Variants in NHSL1 observed in about 807,000 individuals in gnomAD.
The protein encoded by NHSL1 is NHS-like protein 1.
A neutral mutation model predicts 95.0 loss-of-function variants in NHSL1; 48 were observed. That is an observed-to-expected ratio of 0.51 (90% CI 0.40 to 0.64). The LOEUF (loss-of-function observed/expected upper bound fraction) is 0.64, where lower values mean the gene tolerates loss of function less well. Among genes scored for constraint, NHSL1 ranks in the 30% least tolerant of loss-of-function variants. The pLI is 0.00. For synonymous variants in NHSL1, 783 were observed against 833.9 expected, an observed-to-expected ratio of 0.94 and a Z score of 1.05; for missense variants, 1,971 against 2,077.7, an observed-to-expected ratio of 0.95 and a Z score of 1.00.
upstream of NHSL1, among the ~76,000 whole-genome samples, chr6:138,576,332 T>C (rs1405510664): frequency 6.6e-6 from 1 of 152,036 alleles, no homozygotes; most frequent in African/African-American, 2.4e-5. Context: ...TTAAAAAAAA[T>C]AACTTCAGCT....
intron 1 of NHSL1, among the ~76,000 whole-genome samples, chr6:138,682,190 T>C (rs1488549828): frequency 6.6e-6 from 1 of 152,278 alleles, no homozygotes; most frequent in East Asian, 1.9e-4. Flanking sequence ...GCCAGGCTGG[T>C]AACTGCTTTT....
chr6:138,595,765 T>C (rs552782401), intron 1 of NHSL1, among the ~76,000 whole-genome samples: 1 of 152,294 alleles, frequency 6.6e-6, no homozygotes, highest in East Asian at 1.9e-4. Context: ...ACAGGTGAAG[T>C]TGAAAGATTT....
rs574715008 is a variant in NHSL1, at chr6:138,428,819, G to A, written c.4085+892C>T. Among the ~76,000 whole-genome samples the A allele has an allele frequency of 7.2e-5, 11 of 152,226 alleles. No homozygotes were observed. The East Asian group carries it at 2.1e-3, about 29-fold the overall frequency. ...AAAAAAAGAAAGGATCTTCATTCAG[G>A]GCAAAATAAGGCCTTGGCAGCATAA... is the stretch of plus-strand genomic sequence containing the variant. On this transcript the variant is annotated intron_variant, in intron 7 of 7. Transcript: ENST00000343505.
At chr6:138,440,236 G>A (rs1314441427) in intron 5 of NHSL1, among the ~76,000 whole-genome samples, 4 of 152,134 alleles carry the variant, frequency 2.6e-5, no homozygotes, top group Non-Finnish European at 2.9e-5. Context: ...ACTATCTACT[G>A]AACATATGAG....
chr6:138,427,220 A>G (rs1420401481), intron 7 of NHSL1, among the ~76,000 whole-genome samples: 1 of 152,236 alleles, frequency 6.6e-6, no homozygotes, highest in Non-Finnish European at 1.5e-5. Flanking sequence ...TAGACATAGA[A>G]TTAAGAAAGA....
chr6:138,479,896 A>G (rs1303034872), intron 2 of NHSL1, among the ~76,000 whole-genome samples: 1 of 152,212 alleles, frequency 6.6e-6, no homozygotes, highest in African/African-American at 2.4e-5. Flanking sequence ...ATTCTGAAAT[A>G]TAATCTGAAG....
intron 1 of NHSL1, among the ~76,000 whole-genome samples, chr6:138,552,759 T>C (rs1167222325): frequency 6.6e-6 from 1 of 152,208 alleles, no homozygotes; most frequent in African/African-American, 2.4e-5. Flanking sequence ...TGTGGCAAGC[T>C]GCCTTGACTT....
chr6:138,596,996 C>CA (rs549954318), intron 1 of NHSL1, among the ~76,000 whole-genome samples: 27 of 151,948 alleles, frequency 1.8e-4, no homozygotes, highest in African/African-American at 3.6e-4. Context: ...CTGTCTCTAC[C>CA]AAAAAATATA....
At chr6:138,663,508 C>T (rs1018175844) in intron 1 of NHSL1, among the ~76,000 whole-genome samples, 1 of 149,890 alleles carries the variant, frequency 6.7e-6, no homozygotes, top group East Asian at 2.0e-4. Flanking sequence ...TGTGTTGAAC[C>T]GCAATCACGC....
chr6:138,513,319 C>CA (rs76252391), intron 1 of NHSL1, among the ~76,000 whole-genome samples: 7,396 of 152,108 alleles, frequency 0.049, 210 homozygotes, highest in South Asian at 0.094. Flanking sequence ...AAATACTAAA[C>CA]AAAAATGTCC....
chr6:138,443,052 TAC>T (rs145989578), intron 4 of NHSL1, among the ~76,000 whole-genome samples: 13,565 of 151,052 alleles, frequency 0.09, 1,116 homozygotes, highest in African/African-American at 0.23. Flanking sequence ...TATACATATA[TAC>T]ACACACACAT....
At chr6:138,531,750 G>A (rs1782144340) in intron 1 of NHSL1, among the ~76,000 whole-genome samples, 1 of 152,150 alleles carries the variant, frequency 6.6e-6, no homozygotes, top group South Asian at 2.1e-4. Context: ...CTGACCTCAA[G>A]TGATCTGCCT....
chr6:138,443,643 A>G (rs1776673171), intron 4 of NHSL1, among the ~76,000 whole-genome samples: 1 of 152,196 alleles, frequency 6.6e-6, no homozygotes, highest in African/African-American at 2.4e-5. Context: ...TCTAAGCAAC[A>G]TGGTGAAATC....
At chr6:138,534,850 C>T (rs4401686) in intron 1 of NHSL1, among the ~76,000 whole-genome samples, 4,193 of 152,270 alleles carry the variant, frequency 0.028, 80 homozygotes, top group Admixed American at 0.046. Flanking sequence ...GAGCATCAAA[C>T]AAGAACACGA....
chr6:138,643,384 C>A (rs1390530071), intron 1 of NHSL1, among the ~76,000 whole-genome samples: 1 of 152,126 alleles, frequency 6.6e-6, no homozygotes, highest in East Asian at 1.9e-4. Context: ...AACATTGACC[C>A]GTCATTATCA....
chr6:138,591,531 C>A (rs185276785), intron 1 of NHSL1, among the ~76,000 whole-genome samples: 1 of 152,316 alleles, frequency 6.6e-6, no homozygotes, highest in Admixed American at 6.5e-5. Flanking sequence ...ATCCTCCCAC[C>A]TCAGCCTCTT....
At chr6:138,476,551 C>T (rs1018991383) in intron 2 of NHSL1, among the ~76,000 whole-genome samples, 2 of 151,892 alleles carry the variant, frequency 1.3e-5, no homozygotes, top group African/African-American at 4.8e-5. Context: ...TGGGGGCCCG[C>T]GCCAGTAGCT....
chr6:138,639,966 T>C (rs187170455), intron 1 of NHSL1, among the ~76,000 whole-genome samples: 2 of 151,724 alleles, frequency 1.3e-5, no homozygotes, highest in East Asian at 3.9e-4. Flanking sequence ...GTTCTATCAG[T>C]ATTTCAAAAT....
intron 1 of NHSL1, among the ~76,000 whole-genome samples, chr6:138,652,926 C>T (rs1583467169): frequency 1.3e-5 from 2 of 152,244 alleles, no homozygotes; most frequent in Non-Finnish European, 2.9e-5. Context: ...AAGATCGGCA[C>T]TGGGATTGAG....
Sources: allele counts gnomAD v4.1 joint callset (sites outside exome capture counted in the v4.1 genomes callset), GRCh38; gene constraint gnomAD v4.1.1; transcripts MANE v1.5; gene names NCBI Gene and HGNC (gene_info 2026-07-23, HGNC 2026-07-21).